The following MIS18A variants were observed in gnomAD, a reference collection of about 807,000 sequenced individuals.
MIS18A encodes MIS18 kinetochore protein A, also known as protein Mis18-alpha.
A neutral mutation model predicts 25.0 loss-of-function variants in MIS18A; 14 were observed. That is an observed-to-expected ratio of 0.56 (90% confidence interval 0.37 to 0.88). The LOEUF (loss-of-function observed/expected upper bound fraction) is 0.88, where lower values mean the gene tolerates loss of function less well. Among genes scored for constraint, MIS18A ranks in the 40% least tolerant of loss-of-function variants. The pLI, the probability that MIS18A is intolerant of heterozygous loss-of-function variation, is 0.00. For missense variants in MIS18A, 292 were observed against 290.8 expected (o/e 1.00, Z -0.03); for synonymous variants, 134 against 118.6 (o/e 1.13, Z -0.84).
chr21:32,209,313 C>T, the MIS18A span, among the ~76,000 whole-genome samples: 1 of 152,150 alleles, frequency 6.6e-6, no homozygotes, highest in African/African-American at 2.4e-5. Flanking sequence ...TAAATGGACC[C>T]TTTGAGATCT....
At chr21:32,241,368 TAAA>T in the MIS18A span, among the ~76,000 whole-genome samples, 8 of 88,444 alleles carry the variant, frequency 9.0e-5, no homozygotes, top group Admixed American at 3.5e-4. Flanking sequence ...TAGCTGACAA[TAAA>T]AAAAAAAAAA....
At chr21:32,258,854 A>T in the MIS18A span, among the ~76,000 whole-genome samples, 1 of 126,102 alleles carries the variant, frequency 7.9e-6, no homozygotes, top group Non-Finnish European at 1.6e-5. Flanking sequence ...TTATTTATTT[A>T]TTTATTTATT....
the MIS18A span, among the ~76,000 whole-genome samples, chr21:32,231,127 C>T: frequency 6.6e-6 from 1 of 151,676 alleles, no homozygotes; most frequent in Non-Finnish European, 1.5e-5. Flanking sequence ...GTCCCAGCTA[C>T]TCGGGAGGCT....
chr21:32,278,438 T>C, intron 1 of MIS18A: 1 of 535,900 alleles, frequency 1.9e-6, no homozygotes, highest in East Asian at 3.2e-5. Context: ...CTCACGATGA[T>C]GCTGATTCAA....
the MIS18A span, among the ~76,000 whole-genome samples, chr21:32,207,858 G>T: frequency 3.9e-5 from 6 of 152,204 alleles, no homozygotes; most frequent in African/African-American, 1.4e-4. Context: ...TGGGCCCGGG[G>T]TCTACTTCAT....
the MIS18A span, among the ~76,000 whole-genome samples, chr21:32,243,203 G>A: frequency 1.2e-4 from 19 of 152,144 alleles, no homozygotes; most frequent in Non-Finnish European, 8.8e-5. Context: ...CAAAGAGTTC[G>A]TAGATATGAC....
chr21:32,182,974 G>A, the MIS18A span, among the ~76,000 whole-genome samples: 42 of 152,216 alleles, frequency 2.8e-4, no homozygotes, highest in Non-Finnish European at 2.1e-4. Flanking sequence ...CCCAAATGGC[G>A]AAATAGCACT....
At chr21:32,215,234 G>C in the MIS18A span, among the ~76,000 whole-genome samples, 1 of 152,180 alleles carries the variant, frequency 6.6e-6, no homozygotes, top group Non-Finnish European at 1.5e-5. Flanking sequence ...CCAGCCAGCA[G>C]CCAGCTCAGG....
the MIS18A span, among the ~76,000 whole-genome samples, chr21:32,236,583 G>C: frequency 6.6e-6 from 1 of 152,182 alleles, no homozygotes; most frequent in Admixed American, 6.5e-5. Flanking sequence ...ATGTTGCTTT[G>C]CCATCTCCAG....
chr21:32,156,395 G>GAA, the MIS18A span: 1 of 152,076 alleles, frequency 6.6e-6, no homozygotes, highest in African/African-American at 2.4e-5. Flanking sequence ...TGTTGTTATT[G>GAA]AAAAGTACTC....
the MIS18A span, among the ~76,000 whole-genome samples, chr21:32,221,910 C>T: frequency 6.6e-6 from 1 of 151,860 alleles, no homozygotes; most frequent in Admixed American, 6.6e-5. Context: ...AAGCTAGCAT[C>T]ATAATGACAG....
At chr21:32,155,320 A>G in the MIS18A span, among the ~76,000 whole-genome samples, 2 of 151,872 alleles carry the variant, frequency 1.3e-5, no homozygotes, top group South Asian at 2.1e-4. Flanking sequence ...TGGCCCTTAC[A>G]AATTGTACAT....
In MIS18A at chr21:32,269,789, G is replaced by C. The variant is rs2031679271; in HGVS notation, c.539C>G (p.Ser180Cys). ...VEAIESYVLG[S>C]SEKQIVSEDK... ...TTCTGACACAATTTGCTTTTCAGAGGACCCTAAAACATAACTGAAGTACGG... is the reference window on the plus strand; with the variant it reads ...TTCTGACACAATTTGCTTTTCAGAGCACCCTAAAACATAACTGAAGTACGG... Residue 180 changes from serine to cysteine, a missense_variant, in exon 4 of 5, where the codon TCC becomes TGC. By Grantham distance (112) the Ser-to-Cys change is moderately radical. Coordinates refer to ENST00000290130, the MANE Select transcript of MIS18A (RefSeq NM_018944.3). 6.2e-7 allele frequency: 1 copy of C among 1,605,576 alleles called. No homozygotes were observed. The highest frequency in any genetic ancestry group is 1.3e-5 in the African/African-American group (1 of 74,738).
the MIS18A span, among the ~76,000 whole-genome samples, chr21:32,178,239 T>C: frequency 1.3e-5 from 2 of 152,008 alleles, no homozygotes. Context: ...TTTTTTTTAT[T>C]CCTGGAAATT....
intron 1 of MIS18A, among the ~76,000 whole-genome samples, chr21:32,277,573 C>G (rs1468341982): frequency 1.3e-5 from 2 of 152,240 alleles, no homozygotes; most frequent in Non-Finnish European, 2.9e-5. Context: ...CTGCCTCAGC[C>G]TCCGGAGTGG....
At chr21:32,212,091 G>A in the MIS18A span, among the ~76,000 whole-genome samples, 122 of 152,274 alleles carry the variant, frequency 8.0e-4, 1 homozygote, top group Middle Eastern at 6.8e-3. Flanking sequence ...GATGCTACTC[G>A]TGAAATAAAC....
At chr21:32,168,615 C>A in the MIS18A span, among the ~76,000 whole-genome samples, 1 of 152,028 alleles carries the variant, frequency 6.6e-6, no homozygotes, top group Admixed American at 6.6e-5. Context: ...AGAGGGAAAT[C>A]AAGTCAAAGT....
the MIS18A span, among the ~76,000 whole-genome samples, chr21:32,233,115 G>A: frequency 1.3e-5 from 2 of 152,142 alleles, no homozygotes; most frequent in African/African-American, 2.4e-5. Flanking sequence ...CTTTAAATAG[G>A]CCAGTGTTTA....
At chr21:32,265,090 A>C (rs1034067148), downstream of MIS18A, among the ~76,000 whole-genome samples, 1 of 152,116 alleles carries the variant, frequency 6.6e-6, no homozygotes, top group African/African-American at 2.4e-5. Context: ...TTCTGGGGAG[A>C]TCTGTCTGAA....
Sources: allele counts gnomAD v4.1 joint callset (sites outside exome capture counted in the v4.1 genomes callset), GRCh38; gene constraint gnomAD v4.1.1; transcripts MANE v1.5; gene names NCBI Gene and HGNC (gene_info 2026-07-23, HGNC 2026-07-21).